CEP128: variants seen among roughly 807,000 people sequenced by gnomAD.
CEP128 encodes the protein centrosomal protein 128.
Under a neutral mutation model 156.7 loss-of-function variants are expected in CEP128, and 132 were observed. That is an observed-to-expected ratio of 0.84 (90% CI 0.73 to 0.97). CEP128 has a LOEUF of 0.97. Among genes scored for constraint, CEP128 ranks in the 50% least tolerant of loss-of-function variants. CEP128 has a pLI of 0.00. For missense variants in CEP128, 1,252 were observed against 1,281.9 expected, an observed-to-expected ratio of 0.98 and a Z score of 0.36; for synonymous variants, 469 against 448.9, an observed-to-expected ratio of 1.04 and a Z score of -0.57.
At chr14:80,528,112 T>C (rs971151987) in intron 22 of CEP128, among the ~76,000 whole-genome samples, 1 of 152,088 alleles carries the variant, frequency 6.6e-6, no homozygotes, top group Admixed American at 6.5e-5. Context: ...AAAGTTCTCA[T>C]GCTTAGTACA....
At chr14:80,514,626 T>C (rs1343885801) in intron 23 of CEP128, 2 of 349,316 alleles carry the variant, frequency 5.7e-6, no homozygotes, top group Non-Finnish European at 1.2e-5. Flanking sequence ...AAATTCCTTC[T>C]CTGTGTTATC....
chr14:80,891,741 A>G (rs544498871), intron 8 of CEP128, among the ~76,000 whole-genome samples: 1 of 152,028 alleles, frequency 6.6e-6, no homozygotes, highest in East Asian at 1.9e-4. Context: ...GGTGATAGAT[A>G]CTCCCATTTA....
intron 7 of CEP128, among the ~76,000 whole-genome samples, chr14:80,897,627 TCACC>T (rs2139405732): frequency 1.3e-5 from 2 of 151,526 alleles, no homozygotes; most frequent in South Asian, 4.2e-4. Context: ...TTATTCTCCC[TCACC>T]CACCATTACC....
intron 4 of CEP128, among the ~76,000 whole-genome samples, chr14:80,907,167 G>C (rs893541049): frequency 6.6e-6 from 1 of 152,038 alleles, no homozygotes; most frequent in Non-Finnish European, 1.5e-5. Flanking sequence ...CCCTTTTTCA[G>C]TCTGGCTATT....
At chr14:80,956,072 A>C in intron 2 of CEP128, 1 of 617,578 alleles carries the variant, frequency 1.6e-6, no homozygotes, top group South Asian at 1.9e-5. Context: ...CAACACAGGA[A>C]AATGTTACAA....
chr14:80,760,718 T>C (rs1312069988), intron 17 of CEP128, among the ~76,000 whole-genome samples: 3 of 152,150 alleles, frequency 2.0e-5, no homozygotes, highest in Non-Finnish European at 2.9e-5. Flanking sequence ...CTGACAGAAG[T>C]GCTTACCTGC....
intron 19 of CEP128, among the ~76,000 whole-genome samples, chr14:80,656,953 G>A (rs1895197786): frequency 2.0e-5 from 3 of 152,100 alleles, no homozygotes; most frequent in Admixed American, 2.0e-4. Context: ...TTCTTAAATT[G>A]CACTTTAAAA....
chr14:80,533,160 C>T (rs77501667), intron 21 of CEP128, among the ~76,000 whole-genome samples: 4,637 of 152,114 alleles, frequency 0.03, 191 homozygotes, highest in African/African-American at 0.097. Flanking sequence ...CCGTATATGC[C>T]ATATTCATTT....
rs151296122 is a variant in CEP128, at chr14:80,545,256, A to T, written c.2880+14023T>A. On this transcript the variant is annotated intron_variant, in intron 21 of 24. Transcript: ENST00000555265. ...AATCCATTGCATGGAGTAGTTGGTT[A>T]TCACATGCTGAATGGAGAAATGAAT... 2.2e-3 allele frequency among the ~76,000 whole-genome samples: 330 copies of T among 152,322 alleles called. 2 individuals carry two copies. Among genetic ancestry groups the T allele is most frequent in the Admixed American group, 7.3e-3 (111 of 15,294 alleles).
At chr14:80,924,028 G>C (rs914503535) in intron 2 of CEP128, among the ~76,000 whole-genome samples, 2 of 152,150 alleles carry the variant, frequency 1.3e-5, no homozygotes, top group East Asian at 3.9e-4. Flanking sequence ...CACCATGATT[G>C]TAAGTTTCCT....
intron 19 of CEP128, among the ~76,000 whole-genome samples, chr14:80,677,440 T>G (rs1289249014): frequency 7.5e-6 from 1 of 134,202 alleles, no homozygotes; most frequent in Non-Finnish European, 1.5e-5. Flanking sequence ...ACAAAGTAGG[T>G]GGAGGTGGCA....
intron 5 of CEP128, 140 bp downstream of exon 5, chr14:80,905,815 T>C (rs949428001): frequency 6.7e-6 from 5 of 751,776 alleles, no homozygotes; most frequent in African/African-American, 1.8e-5. Context: ...GCATGTACTA[T>C]AAAATCCTTG....
chr14:80,802,897 AC>A (rs1260254362), intron 13 of CEP128, among the ~76,000 whole-genome samples: 13 of 152,200 alleles, frequency 8.5e-5, no homozygotes, highest in Admixed American at 2.0e-4. Flanking sequence ...GACTTTTAGA[AC>A]CAATTCTTTT....
chr14:80,810,211 C>A (rs1566642286), intron 13 of CEP128, among the ~76,000 whole-genome samples: 1 of 149,662 alleles, frequency 6.7e-6, no homozygotes, highest in African/African-American at 2.5e-5. Flanking sequence ...TAGTCCCAAC[C>A]ACTCGGGAGG....
At chr14:80,771,210 A>G (rs1044705127) in intron 16 of CEP128, among the ~76,000 whole-genome samples, 3 of 152,234 alleles carry the variant, frequency 2.0e-5, no homozygotes, top group Admixed American at 6.5e-5. Flanking sequence ...ATAAGAGTAT[A>G]TGGTAATTTG....
intron 19 of CEP128, among the ~76,000 whole-genome samples, chr14:80,684,330 A>T (rs544247231): frequency 1.3e-5 from 2 of 152,276 alleles, no homozygotes; most frequent in East Asian, 3.9e-4. Context: ...TATGCATACA[A>T]ATCAGAAAAT....
intron 21 of CEP128, among the ~76,000 whole-genome samples, chr14:80,546,504 A>G (rs1456732704): frequency 6.6e-6 from 1 of 152,248 alleles, no homozygotes; most frequent in African/African-American, 2.4e-5. Context: ...TTTCACAGAA[A>G]AATGAGGTTT....
chr14:80,623,137 T>G (rs1048111939), intron 19 of CEP128, among the ~76,000 whole-genome samples: 51 of 151,950 alleles, frequency 3.4e-4, no homozygotes, highest in Admixed American at 8.5e-4. Flanking sequence ...CCATAAAAAA[T>G]GATGAGTTCA....
At chr14:80,891,571 A>G (rs2139374465) in intron 8 of CEP128, among the ~76,000 whole-genome samples, 1 of 148,470 alleles carries the variant, frequency 6.7e-6, no homozygotes, top group East Asian at 2.0e-4. Context: ...AGGAGATGGA[A>G]TGGTTACTAG....
Sources: gnomAD v4.1 joint callset for allele counts (sites outside exome capture counted in the v4.1 genomes callset) on GRCh38, gnomAD v4.1.1 for gene constraint, MANE v1.5 for transcripts, NCBI Gene and HGNC (gene_info 2026-07-23, HGNC 2026-07-21) for gene names.